The following GLIS3 variants were observed in gnomAD, a reference collection of about 807,000 sequenced individuals.
GLIS3 encodes zinc finger protein GLIS3.
A neutral mutation model predicts 78.6 loss-of-function variants in GLIS3; 53 were observed. That is an observed-to-expected ratio of 0.67 (90% CI 0.54 to 0.85). The LOEUF (loss-of-function observed/expected upper bound fraction) is 0.85, where lower values mean the gene tolerates loss of function less well. Ranked by LOEUF, GLIS3 falls within the 40% of genes least tolerant of loss-of-function variation. The pLI is 0.00. For missense variants in GLIS3, 1,703 were observed against 1,231.1 expected (o/e 1.38, Z -5.74); for synonymous variants, 684 against 509.9 (o/e 1.34, Z -4.60).
At chr9:3,883,486 T>C (rs578175618) in intron 7 of GLIS3, among the ~76,000 whole-genome samples, 5 of 152,348 alleles carry the variant, frequency 3.3e-5, no homozygotes, top group Admixed American at 2.6e-4. Flanking sequence ...AGAGTAAAAC[T>C]GTAATGTCAT....
chr9:3,876,376 AAAAC>A (rs531604083), intron 8 of GLIS3, among the ~76,000 whole-genome samples: 208 of 152,094 alleles, frequency 1.4e-3, no homozygotes, highest in African/African-American at 4.7e-3. Flanking sequence ...CACAAAAAGG[AAAAC>A]AAACAAAAAT....
rs191511237 is a variant in GLIS3 at position 3,919,473 on chromosome 9, G to A, written c.1983+12887C>T. The stretch of plus-strand genomic sequence containing the variant: ...ACATATAGGGGAACAACACACACTG[G>A]GGCCTGTTGGGAGGGTGGAAGATGG... On this transcript the variant is annotated intron_variant, in intron 6 of 10. Transcript: ENST00000381971. Among the ~76,000 whole-genome samples the A allele has an allele frequency of 7.0e-4, 106 of 152,040 alleles. 2 individuals are homozygous for A. The highest frequency in any genetic ancestry group is 2.5e-3 in the African/African-American group (103 of 41,468).
At chr9:4,365,368 C>T in the GLIS3 span, among the ~76,000 whole-genome samples, 1 of 152,006 alleles carries the variant, frequency 6.6e-6, no homozygotes, top group East Asian at 1.9e-4. Context: ...CTAGCCTGGC[C>T]AATATGGTAA....
intron 4 of GLIS3, among the ~76,000 whole-genome samples, chr9:3,990,653 C>T (rs1435610776): frequency 6.6e-6 from 1 of 152,128 alleles, no homozygotes; most frequent in Non-Finnish European, 1.5e-5. Flanking sequence ...CAAAATAGCC[C>T]TTGCCTTCTA....
At chr9:4,418,098 A>G in the GLIS3 span, among the ~76,000 whole-genome samples, 15 of 152,208 alleles carry the variant, frequency 9.9e-5, no homozygotes, top group African/African-American at 3.6e-4. Context: ...CCTAATTGAG[A>G]AACACTGGGC....
chr9:3,931,041 G>A (rs1054285143), intron 6 of GLIS3, among the ~76,000 whole-genome samples: 2 of 152,000 alleles, frequency 1.3e-5, no homozygotes, highest in Non-Finnish European at 2.9e-5. Context: ...AAACACAAAA[G>A]CATATCTAGT....
chr9:4,482,851 A>G, the GLIS3 span, among the ~76,000 whole-genome samples: 1 of 152,230 alleles, frequency 6.6e-6, no homozygotes, highest in African/African-American at 2.4e-5. Flanking sequence ...AAGCAGCAAC[A>G]GCATACTAGC....
Position 3,937,100 on chromosome 9 carries a change from C to A in GLIS3, c.1800G>T (p.Gln600His). ...TGAAGGCCTTCTGACAACCCGGATG[C>A]TGGCACAAATACGGCTTCTCGCCTG... ...SHTGEKPYLC[Q>H]HPGCQKAFSN... Residue 600 changes from glutamine to histidine, a missense_variant, in exon 5 of 11, where the codon CAG (glutamine) becomes CAT (histidine). Transcript: ENST00000381971. 1 of 1,614,038 alleles carries A rather than the reference C, an allele frequency of 6.2e-7. No individual in the cohort carries two copies. Among genetic ancestry groups the A allele is most frequent in the Non-Finnish European group, 8.5e-7 (1 of 1,180,030 alleles).
intron 2 of GLIS3, among the ~76,000 whole-genome samples, chr9:4,273,165 A>C (rs541992989): frequency 1.3e-5 from 2 of 152,340 alleles, no homozygotes; most frequent in African/African-American, 2.4e-5. Context: ...ACAAGTCTCA[A>C]GAATGAAGAC....
intron 8 of GLIS3, among the ~76,000 whole-genome samples, chr9:3,862,470 G>C (rs1237944810): frequency 1.3e-5 from 2 of 152,050 alleles, no homozygotes; most frequent in East Asian, 3.9e-4. Context: ...CTTTCGGGTA[G>C]GGCTCTTTCC....
intron 8 of GLIS3, among the ~76,000 whole-genome samples, chr9:3,870,890 G>A (rs1246138117): frequency 6.6e-6 from 1 of 152,182 alleles, no homozygotes; most frequent in African/African-American, 2.4e-5. Flanking sequence ...ACTCATTTCA[G>A]CATTAACTCA....
chr9:4,409,092 C>G, the GLIS3 span, among the ~76,000 whole-genome samples: 1 of 152,112 alleles, frequency 6.6e-6, no homozygotes, highest in East Asian at 1.9e-4. Context: ...TTCTGTAACT[C>G]ATAAACCAGT....
At chr9:4,281,783 AC>A (rs1452883388) in intron 2 of GLIS3, among the ~76,000 whole-genome samples, 1 of 152,192 alleles carries the variant, frequency 6.6e-6, no homozygotes, top group Non-Finnish European at 1.5e-5. Flanking sequence ...ATATGATGTC[AC>A]CAAAAGGAAC....
chr9:4,292,686 A>T (rs1389569707), intron 1 of GLIS3, among the ~76,000 whole-genome samples: 1 of 152,212 alleles, frequency 6.6e-6, no homozygotes, highest in East Asian at 1.9e-4. Flanking sequence ...GTAATAACTG[A>T]TCAACCAACT....
intron 4 of GLIS3, among the ~76,000 whole-genome samples, chr9:4,059,830 G>GTGTC (rs1554684247): frequency 1.4e-4 from 4 of 29,424 alleles, no homozygotes; most frequent in Non-Finnish European, 3.2e-4. Context: ...GTGTGTGTGT[G>GTGTC]AGAGAGAGAG....
chr9:4,023,418 G>A (rs1823048069), intron 4 of GLIS3, among the ~76,000 whole-genome samples: 1 of 152,096 alleles, frequency 6.6e-6, no homozygotes. Flanking sequence ...CTGCTAGCTT[G>A]GCCATCAGAC....
At chr9:4,020,955 T>C (rs1563955718) in intron 4 of GLIS3, among the ~76,000 whole-genome samples, 1 of 152,200 alleles carries the variant, frequency 6.6e-6, no homozygotes, top group South Asian at 2.1e-4. Flanking sequence ...CAGAGACTTC[T>C]ATGCGCTAGA....
At chr9:4,227,192 C>A (rs964474868) in intron 2 of GLIS3, among the ~76,000 whole-genome samples, 1 of 151,834 alleles carries the variant, frequency 6.6e-6, no homozygotes, top group African/African-American at 2.4e-5. Flanking sequence ...CTAGTTTTCT[C>A]TTCCTCCCTC....
At chr9:4,222,073 T>C (rs1821374674) in intron 2 of GLIS3, among the ~76,000 whole-genome samples, 1 of 152,312 alleles carries the variant, frequency 6.6e-6, no homozygotes, top group South Asian at 2.1e-4. Flanking sequence ...TCCAGATTTA[T>C]CTGGTTTTGA....
Sources: gnomAD v4.1 joint callset for allele counts (sites outside exome capture counted in the v4.1 genomes callset) on GRCh38, gnomAD v4.1.1 for gene constraint, MANE v1.5 for transcripts, NCBI Gene and HGNC (gene_info 2026-07-23, HGNC 2026-07-21) for gene names.